Variants in DNAH14 observed in about 807,000 individuals in gnomAD.
The protein encoded by DNAH14 is dynein axonemal heavy chain 14, also known as axonemal beta dynein heavy chain 14.
Under a neutral mutation model 520.9 loss-of-function variants are expected in DNAH14, and 478 were observed. The observed-to-expected ratio is 0.92, with a 90% CI of 0.85 to 0.99. The LOEUF (loss-of-function observed/expected upper bound fraction) is 0.99, where lower values mean the gene tolerates loss of function less well. Ranked by LOEUF, DNAH14 falls within the 50% of genes least tolerant of loss-of-function variation. The probability of loss-of-function intolerance (pLI) is 0.00; values close to 1 mark genes in which losing one functional copy is unlikely to be tolerated. For missense variants in DNAH14, 4,831 were observed against 5,234.5 expected, an observed-to-expected ratio of 0.92 and a Z score of 2.38; for synonymous variants, 1,581 against 1,757.2, an observed-to-expected ratio of 0.90 and a Z score of 2.51.
chr1:225,385,686 C>A (rs1252325752), intron 81 of DNAH14, among the ~76,000 whole-genome samples: 2 of 152,250 alleles, frequency 1.3e-5, no homozygotes, highest in African/African-American at 4.8e-5. Context: ...TGTGAAGGAC[C>A]TCTTCAAGGA....
At chr1:225,041,103 C>T (rs970035169) in intron 12 of DNAH14, among the ~76,000 whole-genome samples, 26 of 152,154 alleles carry the variant, frequency 1.7e-4, no homozygotes, top group African/African-American at 6.3e-4. Context: ...GCTGCATGAA[C>T]GAGCAGACTG....
At chr1:225,048,153 G>T (rs987979687) in intron 15 of DNAH14, among the ~76,000 whole-genome samples, 7 of 152,078 alleles carry the variant, frequency 4.6e-5, no homozygotes, top group African/African-American at 1.7e-4. Context: ...TCATATAAAT[G>T]CATATGTAGC....
At chr1:225,116,456 G>A (rs2076881272) in intron 23 of DNAH14, among the ~76,000 whole-genome samples, 2 of 152,158 alleles carry the variant, frequency 1.3e-5, no homozygotes, top group Non-Finnish European at 2.9e-5. Flanking sequence ...GCATCCGATA[G>A]GAAGTAGAGA....
chr1:225,288,473 A>G (rs1176446900), intron 54 of DNAH14, among the ~76,000 whole-genome samples: 1 of 152,108 alleles, frequency 6.6e-6, no homozygotes, highest in African/African-American at 2.4e-5. Context: ...AAAAGTATGG[A>G]CTTCAGTTAA....
chr1:224,952,319 T>C (rs1211692989), intron 1 of DNAH14, among the ~76,000 whole-genome samples: 2 of 152,234 alleles, frequency 1.3e-5, no homozygotes, highest in Non-Finnish European at 2.9e-5. Flanking sequence ...CTGATGACTT[T>C]CCTAAGTTCT....
Position 225,346,024 on chromosome 1 carries a change from G to T in DNAH14, c.10741G>T (p.Glu3581Ter). 2 of 1,551,494 alleles carry T rather than the reference G, an allele frequency of 1.3e-6. No individual in the cohort carries two copies. The highest frequency in any genetic ancestry group is 2.4e-5 in the South Asian group (2 of 84,046). The change falls in exon 70 of 86, where the codon GAA (glutamate) becomes TAA (stop). Residue 3581 changes from glutamate to a stop codon, truncating the protein, a stop_gained. Transcript: ENST00000682510. LOFTEE classifies it high-confidence loss of function. ...TLRKSKMTSN[E>*]ISKRIEATKK... ...AAGAAAATCCAAAATGACATCAAAC[G>T]AAATTTCAAAGCGCATCGAAGCAAC...
At chr1:225,022,867 A>T (rs1303141822) in intron 10 of DNAH14, among the ~76,000 whole-genome samples, 2 of 152,228 alleles carry the variant, frequency 1.3e-5, no homozygotes. Flanking sequence ...GGTGGACTGG[A>T]TAAAGAAAAT....
In DNAH14 at chr1:225,145,430, A is replaced by G; in HGVS notation, c.4794+51A>G. The G allele has an allele frequency of 4.5e-6, 6 of 1,321,736 alleles. No individual in the cohort carries two copies. The East Asian group carries it at 7.9e-5, about 17-fold the overall frequency. 81.9% of individuals were successfully genotyped at this position (1,321,736 alleles called of 1,614,324 possible). On this transcript the variant is annotated intron_variant, in intron 30 of 85. Coordinates refer to ENST00000682510, the MANE Select transcript of DNAH14 (RefSeq NM_001367479.1). The stretch of plus-strand genomic sequence containing the variant: ...AAGAAATATTGTACACATAAAACAT[A>G]AAACAATTCATTGAAGAATAAAAGA...
chr1:225,082,768 A>G (rs1373488009), intron 20 of DNAH14, 29 bp downstream of exon 20: 13 of 1,524,180 alleles, frequency 8.5e-6, no homozygotes, highest in Non-Finnish European at 1.1e-5. Flanking sequence ...TTAAAAAAAT[A>G]GGTTGAAATA....
chr1:225,021,978 A>G (rs540553125), intron 10 of DNAH14, among the ~76,000 whole-genome samples: 11 of 151,182 alleles, frequency 7.3e-5, no homozygotes, highest in African/African-American at 2.4e-4. Flanking sequence ...AAAGCCACAC[A>G]GTCTACAATG....
intron 1 of DNAH14, among the ~76,000 whole-genome samples, chr1:224,946,988 G>A (rs931910855): frequency 8.7e-5 from 13 of 149,634 alleles, no homozygotes; most frequent in Admixed American, 2.0e-4. Context: ...CCTGATCTCG[G>A]CTCACTGCAA....
intron 38 of DNAH14, among the ~76,000 whole-genome samples, chr1:225,193,363 A>T (rs2085697796): frequency 1.3e-5 from 2 of 152,012 alleles, no homozygotes; most frequent in South Asian, 4.1e-4. Flanking sequence ...ATATCATTAG[A>T]TAAAACACAT....
At chr1:225,273,725 C>T (rs71646710) in intron 52 of DNAH14, among the ~76,000 whole-genome samples, 1 of 152,168 alleles carries the variant, frequency 6.6e-6, no homozygotes, top group African/African-American at 2.4e-5. Context: ...CCTCATCCTT[C>T]TCCGTCTCTT....
intron 27 of DNAH14, among the ~76,000 whole-genome samples, chr1:225,129,979 A>C (rs2078211094): frequency 6.6e-6 from 1 of 152,178 alleles, no homozygotes; most frequent in Non-Finnish European, 1.5e-5. Context: ...CAAGAAAAAA[A>C]CAAACAACCC....
intron 10 of DNAH14, among the ~76,000 whole-genome samples, chr1:225,010,748 T>C (rs1419482336): frequency 6.6e-6 from 1 of 152,188 alleles, no homozygotes; most frequent in Non-Finnish European, 1.5e-5. Flanking sequence ...GTTGGTAGGC[T>C]ATTAATTACT....
At chr1:225,084,687 A>G (rs925630186) in intron 20 of DNAH14, among the ~76,000 whole-genome samples, 1 of 151,916 alleles carries the variant, frequency 6.6e-6, no homozygotes, top group Non-Finnish European at 1.5e-5. Context: ...ATAATTAACT[A>G]CAATCATCAA....
rs572857059 is a variant in DNAH14, at chr1:225,106,695, G to A, written c.3867+5811G>A. On this transcript the variant is annotated intron_variant, in intron 23 of 85. Transcript: ENST00000682510. The stretch of plus-strand genomic sequence containing the variant: ...ATCGGCTACTGAGGCTTGTGCATTC[G>A]TCACATAGTTCTTGTGCCTTGGTTT... Among the ~76,000 whole-genome samples, 48 of 152,144 alleles carry A rather than the reference G, an allele frequency of 3.2e-4. No homozygotes were observed. The South Asian group carries it at 7.9e-3, about 25-fold the overall frequency.
intron 1 of DNAH14, among the ~76,000 whole-genome samples, chr1:224,940,389 A>G (rs932731364): frequency 6.6e-6 from 1 of 152,196 alleles, no homozygotes; most frequent in Non-Finnish European, 1.5e-5. Context: ...AGTAGCATCC[A>G]TGTATATCAA....
chr1:225,256,957 G>A (rs1176912083), intron 44 of DNAH14, among the ~76,000 whole-genome samples: 1 of 152,096 alleles, frequency 6.6e-6, no homozygotes, highest in African/African-American at 2.4e-5. Context: ...AGCATTTTAA[G>A]AGGAAAATTG....
Sources: gnomAD v4.1 joint callset for allele counts (sites outside exome capture counted in the v4.1 genomes callset) on GRCh38, gnomAD v4.1.1 for gene constraint, MANE v1.5 for transcripts, NCBI Gene and HGNC (gene_info 2026-07-23, HGNC 2026-07-21) for gene names.